The following RCHY1 variants were observed in gnomAD, a reference collection of about 807,000 sequenced individuals.
RCHY1 encodes ring finger and CHY zinc finger domain containing 1.
A neutral mutation model predicts 41.6 loss-of-function variants in RCHY1; 21 were observed. The observed-to-expected ratio is 0.51, with a 90% confidence interval of 0.36 to 0.73. RCHY1 has a LOEUF of 0.73. RCHY1 is among the 30% of genes least tolerant of loss of function. The pLI is 0.00. For synonymous variants in RCHY1, 79 were observed against 102.9 expected, an observed-to-expected ratio of 0.77 and a Z score of 1.41; for missense variants, 265 against 325.3, an observed-to-expected ratio of 0.81 and a Z score of 1.43.
intron 8 of RCHY1, among the ~76,000 whole-genome samples, chr4:75,487,604 TATATATTCATA>T (rs1560512742): frequency 5.9e-5 from 2 of 34,106 alleles, no homozygotes; most frequent in East Asian, 7.5e-4. Flanking sequence ...TATATATTCA[TATATATTCATA>T]ATATATATAT....
rs767956901 is a variant in RCHY1 at position 75,508,829 on chromosome 4, CCA to C, written c.315_316del (p.Cys105TrpfsTer4). On this transcript the variant is annotated frameshift_variant, in exon 3 of 9. Coordinates refer to ENST00000324439, the MANE Select transcript of RCHY1 (RefSeq NM_015436.4). LOFTEE classifies it high-confidence loss of function. ...ACTTTACATACAGTACCTACAAATTCCACAGTTTTCACAGTGATACTGCTTCT... is the reference window on the plus strand; with the variant it reads ...ACTTTACATACAGTACCTACAAATTCCAGTTTTCACAGTGATACTGCTTCT... The C allele has an allele frequency of 5.7e-6, 9 of 1,589,116 alleles. No individual in the cohort carries two copies. Among genetic ancestry groups the C allele is most frequent in the African/African-American group, 5.4e-5 (4 of 74,000 alleles).
chr4:75,509,610 A>C, intron 1 of RCHY1: 1 of 217,934 alleles, frequency 4.6e-6, no homozygotes, highest in Non-Finnish European at 9.2e-6. Flanking sequence ...TTCCCACCCA[A>C]ATCTCAACTT....
In RCHY1 at chr4:75,490,696, T is replaced by C. The variant is rs908005094; in HGVS notation, c.542A>G (p.Tyr181Cys). 3 of 1,603,796 alleles carry C rather than the reference T, an allele frequency of 1.9e-6. No homozygotes were observed. The highest frequency in any genetic ancestry group is 2.6e-6 in the Non-Finnish European group (3 of 1,173,064). Reference sequence around the variant, plus strand: ...AGAGTGCATACATAATGGACATCTGTAGCCTCTGAAAGAGATAGAAAGGTT... The same window carrying C: ...AGAGTGCATACATAATGGACATCTGCAGCCTCTGAAAGAGATAGAAAGGTT... ...TCYEEMLKEG[Y>C]RCPLCMHSAL... The change falls in exon 8 of 9, where the codon TAC (tyrosine) becomes TGC (cysteine). Residue 181 changes from tyrosine (Y) to cysteine (C), a missense_variant. Tyr to Cys is a radical substitution (Grantham distance 194). Coordinates refer to ENST00000324439, the MANE Select transcript of RCHY1 (RefSeq NM_015436.4).
chr4:75,489,750 T>G (rs913971559), intron 8 of RCHY1, among the ~76,000 whole-genome samples: 1 of 152,178 alleles, frequency 6.6e-6, no homozygotes, highest in African/African-American at 2.4e-5. Flanking sequence ...TAAAGAAAAT[T>G]TTGATGGTCC....
Position 75,509,309 on chromosome 4 carries a change from G to A in RCHY1, c.91-13C>T. On this transcript the variant is annotated splice_polypyrimidine_tract_variant and intron_variant, in intron 1 of 8. Transcript: ENST00000324439. ...CACAGCAAGGTGCCTAACACCCACG[G>A]AGAAAAAAGAGATATAGTAAGAAGC... 6.2e-7 allele frequency: 1 copy of A among 1,601,834 alleles called. No individual in the cohort carries two copies. The highest frequency in any genetic ancestry group is 1.4e-5 in the African/African-American group (1 of 73,940).
chr4:75,512,652 T>C (rs916731912), intron 1 of RCHY1, among the ~76,000 whole-genome samples: 4 of 152,086 alleles, frequency 2.6e-5, no homozygotes, highest in Non-Finnish European at 4.4e-5. Flanking sequence ...CCACATCTTT[T>C]TTTTGCTCCC....
At chr4:75,484,069 C>T (rs997133119) in intron 8 of RCHY1, among the ~76,000 whole-genome samples, 4 of 152,172 alleles carry the variant, frequency 2.6e-5, no homozygotes, top group African/African-American at 9.7e-5. Flanking sequence ...TGGTTCAGGG[C>T]TGCCTGATTC....
intron 3 of RCHY1, among the ~76,000 whole-genome samples, chr4:75,507,738 T>A (rs995777548): frequency 2.6e-5 from 4 of 152,008 alleles, no homozygotes; most frequent in African/African-American, 9.7e-5. Flanking sequence ...AAAGACACAT[T>A]ATATAATAAT....
intron 7 of RCHY1, 33 bp from the exon 8 acceptor site, chr4:75,490,734 T>C: frequency 6.5e-7 from 1 of 1,549,682 alleles, no homozygotes; most frequent in Non-Finnish European, 8.9e-7. Flanking sequence ...TTTCCAAATA[T>C]TAAACAAGAA....
intron 8 of RCHY1, among the ~76,000 whole-genome samples, chr4:75,488,486 T>C (rs1446120364): frequency 1.3e-5 from 2 of 152,148 alleles, no homozygotes; most frequent in Non-Finnish European, 2.9e-5. Flanking sequence ...AGAACTCTAA[T>C]GGAGAGACTG....
intron 3 of RCHY1, among the ~76,000 whole-genome samples, chr4:75,495,292 G>A (rs1260077189): frequency 2.0e-5 from 3 of 151,820 alleles, no homozygotes; most frequent in African/African-American, 7.3e-5. Context: ...ACTCTCCTAT[G>A]TATACTTCTA....
chr4:75,489,337 A>G (rs1379025669), intron 8 of RCHY1, among the ~76,000 whole-genome samples: 1 of 152,192 alleles, frequency 6.6e-6, no homozygotes. Flanking sequence ...TTCTGGTTGT[A>G]TAGAAGGTAT....
chr4:75,479,447 G>C lies in RCHY1; in HGVS notation c.*3091C>G, dbSNP rs1721359040. On this transcript the variant is annotated 3_prime_UTR_variant, in exon 9 of 9. Transcript: ENST00000324439. The stretch of plus-strand genomic sequence containing the variant: ...ATTTTGATGCATGACCAAAATAAAA[G>C]GGAAATTTAACATGTATATCATATG... The C allele has an allele frequency of 6.6e-6, 1 of 151,938 alleles. No individual in the cohort carries two copies. Among genetic ancestry groups the C allele is most frequent in the South Asian group, 2.1e-4 (1 of 4,818 alleles). 9.4% of individuals were successfully genotyped at this position (151,938 alleles called of 1,614,324 possible). A position where few individuals can be genotyped will look rare whatever the true frequency, so the allele number is the denominator to read the frequency against.
intron 7 of RCHY1, 127 bp from the exon 8 acceptor site, chr4:75,490,828 A>G (rs1722680492): frequency 6.2e-6 from 4 of 640,828 alleles, no homozygotes; most frequent in Non-Finnish European, 7.7e-6. Flanking sequence ...ATTTCAAGAT[A>G]ATCTCTTAGG....
At position 75,514,262 on chromosome 4, in the gene RCHY1, C is replaced by T. The variant is rs1725305312; in HGVS notation, c.25G>A (p.Gly9Ser). The change falls in exon 1 of 9, where the codon GGC (glycine) becomes AGC (serine). Residue 9 changes from glycine (G) to serine (S), a missense_variant. By Grantham distance (56) the Gly-to-Ser change is moderately conservative. Transcript: ENST00000324439. MAATARED[G>S]ASGQERGQRG... is the part of the protein sequence containing the mutation. ...TGACCTCGCTCTTGACCGCTGGCGC[C>T]ATCTTCCCGGGCCGTCGCCGCCATC... is the stretch of plus-strand genomic sequence containing the variant. 1.9e-6 allele frequency: 3 copies of T among 1,612,686 alleles called. No individual in the cohort carries two copies. Among genetic ancestry groups the T allele is most frequent in the East Asian group, 4.5e-5 (2 of 44,842 alleles).
intron 7 of RCHY1, 62 bp downstream of exon 7, chr4:75,491,549 C>G: frequency 6.7e-7 from 1 of 1,488,082 alleles, no homozygotes; most frequent in South Asian, 1.2e-5. Context: ...TCCACCTCCC[C>G]ACACCACACA....
intron 8 of RCHY1, among the ~76,000 whole-genome samples, chr4:75,486,713 TA>T (rs907343737): frequency 1.3e-5 from 2 of 152,026 alleles, no homozygotes; most frequent in Non-Finnish European, 1.5e-5. Context: ...GGCATGTATT[TA>T]AAAAAATTCA....
At chr4:75,513,323 G>C (rs1233375852) in intron 1 of RCHY1, among the ~76,000 whole-genome samples, 1 of 152,200 alleles carries the variant, frequency 6.6e-6, no homozygotes, top group Non-Finnish European at 1.5e-5. Flanking sequence ...AACAGTCATG[G>C]TGGTATATAT....
At chr4:75,502,152 A>G (rs987522864) in intron 3 of RCHY1, among the ~76,000 whole-genome samples, 2 of 152,104 alleles carry the variant, frequency 1.3e-5, no homozygotes, top group African/African-American at 4.8e-5. Context: ...AAGCCTTTTT[A>G]TACAATATTC....
Sources: allele counts gnomAD v4.1 joint callset (sites outside exome capture counted in the v4.1 genomes callset), GRCh38; gene constraint gnomAD v4.1.1; transcripts MANE v1.5; gene names NCBI Gene and HGNC (gene_info 2026-07-23, HGNC 2026-07-21).